The following LOXL2 variants were observed in gnomAD, a reference collection of about 807,000 sequenced individuals.
The protein encoded by LOXL2 is lysyl oxidase like 2, also known as lysyl oxidase homolog 2.
LOXL2 carries 70 observed loss-of-function variants against 93.0 expected under a neutral mutation model. The ratio of observed to expected loss-of-function variants is 0.75; its 90% CI spans 0.62 to 0.92. The LOEUF is 0.92. LOXL2 is among the 40% of genes least tolerant of loss of function. The pLI, the probability that LOXL2 is intolerant of heterozygous loss-of-function variation, is 0.00. For missense variants in LOXL2, 973 were observed against 1,054.9 expected (o/e 0.92, Z 1.08); for synonymous variants, 438 against 413.2 (o/e 1.06, Z -0.73).
chr8:23,372,426 C>T (rs545736943), intron 1 of LOXL2, among the ~76,000 whole-genome samples: 1 of 152,204 alleles, frequency 6.6e-6, no homozygotes, highest in African/African-American at 2.4e-5. Context: ...CCATGTTGGC[C>T]AGGCTGGTCT....
chr8:23,302,316 AC>A (rs34437329), intron 11 of LOXL2, among the ~76,000 whole-genome samples, 153 bp from the exon 12 acceptor site: 2 of 141,880 alleles, frequency 1.4e-5, no homozygotes, highest in East Asian at 2.0e-4. Flanking sequence ...TTTCAGTAGA[AC>A]CCCCCACTCA....
At chr8:23,301,326 C>G (rs1162998571) in intron 12 of LOXL2, among the ~76,000 whole-genome samples, 1 of 152,216 alleles carries the variant, frequency 6.6e-6, no homozygotes, top group Middle Eastern at 3.2e-3. Context: ...AGTTAGAGCC[C>G]TGGCCAGAAC....
At chr8:23,359,880 C>G (rs930375495) in intron 3 of LOXL2, among the ~76,000 whole-genome samples, 2 of 152,192 alleles carry the variant, frequency 1.3e-5, no homozygotes, top group South Asian at 4.1e-4. Flanking sequence ...TCTGCCCATG[C>G]TGTTCCTTGT....
chr8:23,371,164 G>A (rs1310303996), intron 1 of LOXL2: 1 of 152,128 alleles, frequency 6.6e-6, no homozygotes, highest in Non-Finnish European at 1.5e-5. Context: ...TTTTCAAAGG[G>A]CGGAAAAAAA....
At chr8:23,386,044 T>A (rs558252460) in intron 1 of LOXL2, 1 of 765,084 alleles carries the variant, frequency 1.3e-6, no homozygotes, top group South Asian at 1.3e-5. Flanking sequence ...ATCCCTATTT[T>A]CCTAAGGAAA....
chr8:23,323,711 G>T (rs4554472), intron 6 of LOXL2, among the ~76,000 whole-genome samples: 1 of 148,654 alleles, frequency 6.7e-6, no homozygotes. Flanking sequence ...TTTTTGGGGG[G>T]GTGGGGGTGG....
intron 3 of LOXL2, among the ~76,000 whole-genome samples, chr8:23,344,599 G>A (rs1259849433): frequency 6.6e-6 from 1 of 152,056 alleles, no homozygotes; most frequent in Non-Finnish European, 1.5e-5. Context: ...GGGATTGTGT[G>A]TCTGTGTGCA....
At chr8:23,386,009 A>AC (rs752322766) in intron 1 of LOXL2, 12 of 765,116 alleles carry the variant, frequency 1.6e-5, no homozygotes, top group Non-Finnish European at 2.9e-5. Context: ...GCTTTGGACA[A>AC]CCCCCTGAGC....
intron 7 of LOXL2, 136 bp downstream of exon 7, chr8:23,321,994 T>C: frequency 1.0e-6 from 1 of 999,936 alleles, no homozygotes; most frequent in South Asian, 1.6e-5. Context: ...AACTAAACAT[T>C]GCAAATGCCA....
chr8:23,348,996 C>A (rs988873365), intron 3 of LOXL2, among the ~76,000 whole-genome samples: 2 of 138,042 alleles, frequency 1.4e-5, no homozygotes, highest in African/African-American at 6.4e-5. Context: ...ATCCAAGATG[C>A]CCTCAACTCT....
intron 2 of LOXL2, among the ~76,000 whole-genome samples, chr8:23,367,693 A>C (rs1272652362): frequency 1.3e-5 from 2 of 152,220 alleles, no homozygotes; most frequent in Admixed American, 6.5e-5. Context: ...ACCTGGGGTC[A>C]CCAACTGTCC....
At chr8:23,340,845 C>T (rs961330799) in intron 4 of LOXL2, 147 bp downstream of exon 4, 1 of 731,180 alleles carries the variant, frequency 1.4e-6, no homozygotes, top group South Asian at 1.7e-5. Context: ...TGGCCCGGCC[C>T]AGGGGCTCTG....
At chr8:23,375,921 AC>A (rs1177491799) in intron 1 of LOXL2, among the ~76,000 whole-genome samples, 2 of 152,070 alleles carry the variant, frequency 1.3e-5, no homozygotes, top group Non-Finnish European at 2.9e-5. Context: ...CTAATTGAAT[AC>A]CCTTTATTTT....
At chr8:23,299,065 C>G (rs1803084821) in intron 12 of LOXL2, 118 bp from the exon 13 acceptor site, 1 of 652,800 alleles carries the variant, frequency 1.5e-6, no homozygotes, top group African/African-American at 1.8e-5. Context: ...TGCCGGGACC[C>G]AAGACGGGGG....
At chr8:23,363,267 T>C (rs887160723) in intron 2 of LOXL2, 1 of 152,248 alleles carries the variant, frequency 6.6e-6, no homozygotes, top group African/African-American at 2.4e-5. Flanking sequence ...GCCAGTCTCC[T>C]GACGTCCAGG....
At chr8:23,342,439 T>C (rs1409923927) in intron 3 of LOXL2, among the ~76,000 whole-genome samples, 1 of 150,780 alleles carries the variant, frequency 6.6e-6, no homozygotes, top group East Asian at 1.9e-4. Context: ...TTTTCTTTTT[T>C]TTTTTTTTTT....
chr8:23,344,767 G>A lies in LOXL2; in HGVS notation c.532-3564C>T, dbSNP rs576784598. On this transcript the variant is annotated intron_variant, in intron 3 of 13. Transcript: ENST00000389131. ...TGGTGGAGGAAATTCTGAAAGGATC[G>A]TGTTCCTTGCAAGGCCTTAGGAAAA... 7.2e-5 allele frequency among the ~76,000 whole-genome samples: 11 copies of A among 152,222 alleles called. No individual in the cohort carries two copies. In the South Asian group the frequency reaches 1.7e-3, roughly 23 times the overall value.
intron 1 of LOXL2, among the ~76,000 whole-genome samples, chr8:23,371,653 G>T (rs577481365): frequency 6.7e-4 from 100 of 150,050 alleles, no homozygotes; most frequent in African/African-American, 2.1e-3. Flanking sequence ...TCGGGAGGCT[G>T]AGGCAGGAGA....
chr8:23,297,721 G>GTCGCCGTAGCA lies in LOXL2; in HGVS notation c.*321_*322insTGCTACGGCGA. On this transcript the variant is annotated 3_prime_UTR_variant, in exon 14 of 14. Coordinates refer to ENST00000389131, the MANE Select transcript of LOXL2 (RefSeq NM_002318.3). Reference sequence around the variant, plus strand: ...CACTGTGTCTGTGGTGAGCTCGGTGGCTTGAATGGGACAAGCTGATGACAA... The same window carrying GTCGCCGTAGCA: ...CACTGTGTCTGTGGTGAGCTCGGTGGTCGCCGTAGCACTTGAATGGGACAAGCTGATGACAA... 1 of 265,834 alleles carries GTCGCCGTAGCA rather than the reference G, an allele frequency of 3.8e-6. No individual in the cohort carries two copies. Among genetic ancestry groups the GTCGCCGTAGCA allele is most frequent in the Non-Finnish European group, 7.2e-6 (1 of 139,292 alleles). 16.5% of individuals were successfully genotyped at this position (265,834 alleles called of 1,614,324 possible).
Sources: allele counts gnomAD v4.1 joint callset (sites outside exome capture counted in the v4.1 genomes callset), GRCh38; gene constraint gnomAD v4.1.1; transcripts MANE v1.5; gene names NCBI Gene and HGNC (gene_info 2026-07-23, HGNC 2026-07-21).